Variants in COLQ observed in about 807,000 individuals in gnomAD.
The protein encoded by COLQ is acetylcholinesterase collagenic tail peptide.
COLQ carries 48 observed loss-of-function variants against 69.0 expected under a neutral mutation model. That is an observed-to-expected ratio of 0.70 (90% confidence interval 0.55 to 0.88). COLQ has a LOEUF of 0.88. Ranked by LOEUF, COLQ falls within the 40% of genes least tolerant of loss-of-function variation. COLQ has a pLI of 0.00. For missense variants in COLQ, 618 were observed against 594.6 expected (o/e 1.04, Z -0.41); for synonymous variants, 217 against 211.2 (o/e 1.03, Z -0.24).
At chr3:15,517,581 G>T (rs1026776569) in intron 1 of COLQ, among the ~76,000 whole-genome samples, 1 of 152,146 alleles carries the variant, frequency 6.6e-6, no homozygotes, top group Admixed American at 6.5e-5. Context: ...TCCAGCCAGG[G>T]CCAGCCAAAC....
intron 1 of COLQ, among the ~76,000 whole-genome samples, chr3:15,518,272 C>A (rs1182809923): frequency 6.6e-6 from 1 of 152,100 alleles, no homozygotes. Flanking sequence ...ATCTCAGGCC[C>A]ATTTCCTAAT....
chr3:15,458,095 G>A lies in COLQ; in HGVS notation c.954+91C>T. 2.0e-6 allele frequency: 3 copies of A among 1,467,378 alleles called. No individual in the cohort carries two copies. The South Asian group carries it at 3.4e-5, about 17-fold the overall frequency. The allele number at this position is 1,467,378 out of a possible 1,614,324, so 90.9% of individuals were successfully genotyped here. Reference sequence around the variant, plus strand: ...TACTCAGAGTCGTGAAAAAAAGTTAGTTTTACTGAAAGGATTTTACAAAGC... The same window carrying A: ...TACTCAGAGTCGTGAAAAAAAGTTAATTTTACTGAAAGGATTTTACAAAGC... On this transcript the variant is annotated intron_variant, in intron 13 of 16. Transcript: ENST00000383788.
chr3:15,514,514 CT>C (rs1176447194), intron 1 of COLQ, among the ~76,000 whole-genome samples: 4 of 152,206 alleles, frequency 2.6e-5, no homozygotes, highest in Non-Finnish European at 4.4e-5. Flanking sequence ...CCCAGAGATT[CT>C]GATCTAATTC....
chr3:15,507,334 A>T (rs1210581615), intron 1 of COLQ, among the ~76,000 whole-genome samples: 1 of 152,236 alleles, frequency 6.6e-6, no homozygotes, highest in East Asian at 1.9e-4. Flanking sequence ...ATTTTTACAC[A>T]TATTGCCTAA....
At chr3:15,517,456 G>A (rs1057277451) in intron 1 of COLQ, among the ~76,000 whole-genome samples, 1 of 152,250 alleles carries the variant, frequency 6.6e-6, no homozygotes, top group Middle Eastern at 3.4e-3. Flanking sequence ...CCTGCCCTCC[G>A]GTAAATATCA....
chr3:15,478,145 G>A (rs1228660085), intron 5 of COLQ, among the ~76,000 whole-genome samples: 5 of 152,184 alleles, frequency 3.3e-5, no homozygotes, highest in African/African-American at 1.2e-4. Context: ...TGTTAGGCCT[G>A]AGCATGGACA....
At chr3:15,502,833 C>T (rs929785683) in intron 1 of COLQ, among the ~76,000 whole-genome samples, 5 of 152,204 alleles carry the variant, frequency 3.3e-5, no homozygotes, top group Admixed American at 6.5e-5. Context: ...GCATTGCCTG[C>T]GCTGCATACT....
intron 11 of COLQ, 104 bp downstream of exon 11, chr3:15,470,431 AG>A (rs2062261784): frequency 1.0e-6 from 1 of 1,002,514 alleles, no homozygotes; most frequent in African/African-American, 1.6e-5. Flanking sequence ...GCTGGAGTCA[AG>A]GTCTACAGAA....
chr3:15,499,820 C>G (rs945315917), intron 1 of COLQ, among the ~76,000 whole-genome samples: 2 of 152,172 alleles, frequency 1.3e-5, no homozygotes, highest in Non-Finnish European at 2.9e-5. Context: ...CACTTAGTAG[C>G]TGTGTGACCT....
Position 15,455,955 on chromosome 3 carries a change from AGG to A in COLQ, c.1137_1138del (p.Leu380AlafsTer7), listed in dbSNP as rs2062018496. On this transcript the variant is annotated frameshift_variant, in exon 15 of 17. Transcript: ENST00000383788. LOFTEE classifies it high-confidence loss of function. Reference sequence around the variant, plus strand: ...GTCGTCACACTCCTCCCCAGGCTGCAGGAGCCCATCCCCACAGGTGCCGTGCT... The same window carrying A: ...GTCGTCACACTCCTCCCCAGGCTGCAAGCCCATCCCCACAGGTGCCGTGCT... The A allele has an allele frequency of 6.2e-7, 1 of 1,613,654 alleles. No homozygotes were observed. The highest frequency in any genetic ancestry group is 8.5e-7 in the Non-Finnish European group (1 of 1,179,880).
At position 15,473,014 on chromosome 3, in the gene COLQ, C is replaced by G. The variant is rs148717847; in HGVS notation, c.636+986G>C. On this transcript the variant is annotated intron_variant, in intron 10 of 16. Transcript: ENST00000383788. The surrounding 1 kb of genome is among the most constrained non-coding windows in gnomAD (Gnocchi z 4.0). The stretch of plus-strand genomic sequence containing the variant: ...CGCTGGGACTATAGGCATGTGCCAC[C>G]ATGACCTGCTAATTTTTTTTTTTTT... Among the ~76,000 whole-genome samples, 3 of 151,860 alleles carry G rather than the reference C, an allele frequency of 2.0e-5. No homozygotes were observed. The highest frequency in any genetic ancestry group is 6.5e-5 in the Admixed American group (1 of 15,280).
At chr3:15,491,578 G>A (rs2062668086) in intron 1 of COLQ, among the ~76,000 whole-genome samples, 2 of 152,236 alleles carry the variant, frequency 1.3e-5, no homozygotes, top group South Asian at 2.1e-4. Context: ...CTTGATGATG[G>A]AGCATTCCAC....
chr3:15,470,675 A>G, intron 10 of COLQ, 59 bp from the exon 11 acceptor site: 1 of 1,464,470 alleles, frequency 6.8e-7, no homozygotes, highest in Non-Finnish European at 9.6e-7. Context: ...GGGCACATCT[A>G]CACAGGTCTA....
chr3:15,458,773 T>A (rs147413983), intron 12 of COLQ, among the ~76,000 whole-genome samples: 74 of 152,376 alleles, frequency 4.9e-4, no homozygotes, highest in African/African-American at 1.8e-3. Context: ...ACAGAGGGCT[T>A]CTTGCCGACA....
chr3:15,511,411 T>G (rs1338245429), intron 1 of COLQ, among the ~76,000 whole-genome samples: 1 of 152,188 alleles, frequency 6.6e-6, no homozygotes, highest in Non-Finnish European at 1.5e-5. Flanking sequence ...TTCTCAGGAC[T>G]CCACAGCAGA....
chr3:15,478,673 T>G, intron 5 of COLQ: 1 of 515,690 alleles, frequency 1.9e-6, no homozygotes, highest in Non-Finnish European at 3.5e-6. Context: ...GTTTCTCTGA[T>G]GGGTAGCAGA....
chr3:15,470,389 T>C (rs1346460999), intron 11 of COLQ, 147 bp downstream of exon 11: 26 of 754,658 alleles, frequency 3.4e-5, no homozygotes, highest in Non-Finnish European at 2.6e-5. Context: ...CTTCTGGAAG[T>C]GGTGCTGCTC....
At chr3:15,489,313 T>A (rs1379889976) in intron 2 of COLQ, among the ~76,000 whole-genome samples, 1 of 152,162 alleles carries the variant, frequency 6.6e-6, no homozygotes, top group Non-Finnish European at 1.5e-5. Context: ...TCTCCCTCCA[T>A]CATTTATTTA....
At chr3:15,484,457 T>C (rs2062541532) in intron 3 of COLQ, among the ~76,000 whole-genome samples, 1 of 152,208 alleles carries the variant, frequency 6.6e-6, no homozygotes, top group Admixed American at 6.5e-5. Flanking sequence ...ATTTGAATGT[T>C]GGCCTGCCTT....
Sources: gnomAD v4.1 joint callset for allele counts (sites outside exome capture counted in the v4.1 genomes callset) on GRCh38, gnomAD v4.1.1 for gene constraint, Gnocchi (gnomAD v3.1) non-coding constraint, MANE v1.5 for transcripts, NCBI Gene and HGNC (gene_info 2026-07-23, HGNC 2026-07-21) for gene names.